The following NSUN6 variants were observed in gnomAD, a reference collection of about 807,000 sequenced individuals.
NSUN6 encodes the protein tRNA (cytosine(72)-C(5))-methyltransferase NSUN6.
A neutral mutation model predicts 58.0 loss-of-function variants in NSUN6; 64 were observed. That is an observed-to-expected ratio of 1.10 (90% CI 0.90 to 1.36). The LOEUF is 1.36. NSUN6 is among the 40% of genes most tolerant of loss of function. The pLI, the probability that NSUN6 is intolerant of heterozygous loss-of-function variation, is 0.00. For synonymous variants in NSUN6, 231 were observed against 193.9 expected (o/e 1.19, Z -1.59); for missense variants, 701 against 550.1 (o/e 1.27, Z -2.74).
At chr10:18,640,742 C>T (rs2059366700) in intron 3 of NSUN6, among the ~76,000 whole-genome samples, 1 of 151,954 alleles carries the variant, frequency 6.6e-6, no homozygotes, top group Admixed American at 6.6e-5. Context: ...CTTCGTTTCA[C>T]TGTATGTAAC....
chr10:18,609,890 G>C lies in NSUN6; in HGVS notation c.612C>G (p.Leu204=). The C allele has an allele frequency of 4.4e-6, 7 of 1,605,128 alleles. No homozygotes were observed. The highest frequency in any genetic ancestry group is 5.1e-6 in the Non-Finnish European group (6 of 1,171,958). The change falls in exon 6 of 11, where the codon CTC becomes CTG. Residue 204 remains leucine (L), a synonymous_variant. Transcript: ENST00000377304. Reference sequence around the variant, plus strand: ...GCAGTACACTGTCAAATGAAGGGCTGAGATATACTGGTTCTGTCATTCTTA... The same window carrying C: ...GCAGTACACTGTCAAATGAAGGGCTCAGATATACTGGTTCTGTCATTCTTA... The part of the protein sequence containing the change: ...MGIRMTEPVY[L]SPSFDSVLPR...
At chr10:18,634,004 G>C (rs1398334983) in intron 3 of NSUN6, among the ~76,000 whole-genome samples, 2 of 152,182 alleles carry the variant, frequency 1.3e-5, no homozygotes, top group African/African-American at 4.8e-5. Context: ...AGTCCCATAG[G>C]TATGCTCTTT....
chr10:18,553,403 AGAACGGAGAATGGAATG>A (rs1270391000), intron 8 of NSUN6, among the ~76,000 whole-genome samples: 5 of 151,480 alleles, frequency 3.3e-5, no homozygotes, highest in South Asian at 2.1e-4. Flanking sequence ...AATGGAATGC[AGAACGGAGAATGGAATG>A]GAATGGAGAA....
intron 6 of NSUN6, among the ~76,000 whole-genome samples, chr10:18,607,805 T>C (rs1345991507): frequency 1.3e-5 from 2 of 152,220 alleles, no homozygotes; most frequent in Non-Finnish European, 2.9e-5. Flanking sequence ...TTTTTACCTA[T>C]GCAGCACACA....
intron 9 of NSUN6, among the ~76,000 whole-genome samples, chr10:18,551,472 G>T (rs1216019115): frequency 1.3e-5 from 2 of 151,970 alleles, no homozygotes; most frequent in African/African-American, 4.8e-5. Flanking sequence ...GCCCCACAAT[G>T]CCTGGTAGTA....
chr10:18,565,508 T>G (rs916837295), intron 8 of NSUN6, among the ~76,000 whole-genome samples: 2 of 150,948 alleles, frequency 1.3e-5, no homozygotes, highest in African/African-American at 4.9e-5. Flanking sequence ...TTCCATTCTA[T>G]TCTACTCCAT....
At position 18,624,050 on chromosome 10, in the gene NSUN6, A is replaced by G. The variant is rs2058701055; in HGVS notation, c.312-7757T>C. Among the ~76,000 whole-genome samples the G allele has an allele frequency of 2.0e-5, 3 of 152,170 alleles. No homozygotes were observed. The South Asian group carries it at 6.2e-4, about 31-fold the overall frequency. On this transcript the variant is annotated intron_variant, in intron 3 of 10. Transcript: ENST00000377304. ...ATTGGTGGCACACACATACACAAAA[A>G]GCAGAAGGTAGATTTTAAAAATGTA...
upstream of NSUN6, chr10:18,653,141 G>A (rs944996174): frequency 1.3e-5 from 13 of 984,540 alleles, no homozygotes; most frequent in African/African-American, 1.4e-4. Flanking sequence ...GTATTTTAGC[G>A]ATAAAGGAGG....
chr10:18,603,982 G>C (rs1240230038), intron 6 of NSUN6, among the ~76,000 whole-genome samples: 2 of 152,066 alleles, frequency 1.3e-5, no homozygotes, highest in African/African-American at 4.8e-5. Context: ...AAGAGATCGA[G>C]ACCATCCTGG....
intron 8 of NSUN6, among the ~76,000 whole-genome samples, chr10:18,557,978 G>T (rs371271364): frequency 2.0e-5 from 3 of 151,006 alleles, no homozygotes; most frequent in Middle Eastern, 6.8e-3. Flanking sequence ...ATGGAATGAA[G>T]AATAGAATGC....
intron 7 of NSUN6, among the ~76,000 whole-genome samples, chr10:18,591,444 C>A (rs1230237518): frequency 6.6e-6 from 1 of 152,144 alleles, no homozygotes; most frequent in Non-Finnish European, 1.5e-5. Context: ...GACAATATCC[C>A]TGATGAATAT....
chr10:18,592,908 T>C (rs1280987489), intron 7 of NSUN6, among the ~76,000 whole-genome samples: 1 of 152,084 alleles, frequency 6.6e-6, no homozygotes, highest in Admixed American at 6.6e-5. Context: ...GAAACTATCA[T>C]TGGAGTGAAC....
chr10:18,572,884 A>T (rs1257389494), intron 8 of NSUN6, among the ~76,000 whole-genome samples: 1 of 140,812 alleles, frequency 7.1e-6, no homozygotes, highest in Non-Finnish European at 1.5e-5. Flanking sequence ...TCTCCATTTC[A>T]TTCCATTCTC....
At chr10:18,561,693 T>C (rs2055522782) in intron 8 of NSUN6, among the ~76,000 whole-genome samples, 2 of 147,494 alleles carry the variant, frequency 1.4e-5, no homozygotes, top group South Asian at 4.2e-4. Context: ...GAGAATGGAA[T>C]AGAATGGAGA....
In NSUN6 at chr10:18,551,832, G is replaced by C. The variant is rs1396427355; in HGVS notation, c.1062C>G (p.Leu354=). Residue 354 remains leucine, a synonymous_variant, in exon 9 of 11, where the codon CTC becomes CTG. Coordinates refer to ENST00000377304, the MANE Select transcript of NSUN6 (RefSeq NM_182543.5). ...ACAGACCACCACATACTGCAGTGAA[G>C]AGTTTTCGCTGTAATGGCTGATATG... ...VASYQPLQRK[L]FTAAVQLLKP... is the part of the protein sequence containing the mutation. 6.2e-7 allele frequency: 1 copy of C among 1,613,016 alleles called. No individual in the cohort carries two copies.
In NSUN6 at chr10:18,603,781, A is replaced by G. The variant is rs143655478; in HGVS notation, c.657+6064T>C. 7.4e-3 allele frequency among the ~76,000 whole-genome samples: 1,130 copies of G among 152,082 alleles called. 5 individuals carry two copies. Among genetic ancestry groups the G allele is most frequent in the Non-Finnish European group, 0.013 (877 of 67,978 alleles). On this transcript the variant is annotated intron_variant, in intron 6 of 10. Coordinates refer to ENST00000377304, the MANE Select transcript of NSUN6 (RefSeq NM_182543.5). ...CGTGAGCCACCGTGCCTGGCCACAC[A>G]CCCTTTTTATTATAACAACAGTAAA...
At chr10:18,573,823 G>A (rs1447049910) in intron 8 of NSUN6, among the ~76,000 whole-genome samples, 4 of 152,032 alleles carry the variant, frequency 2.6e-5, no homozygotes, top group Admixed American at 2.0e-4. Context: ...AGGGAATCAC[G>A]TCCCTACCCT....
At chr10:18,645,299 TA>T (rs1275873291) in intron 2 of NSUN6, among the ~76,000 whole-genome samples, 1 of 152,174 alleles carries the variant, frequency 6.6e-6, no homozygotes, top group Non-Finnish European at 1.5e-5. Flanking sequence ...TCTGATGGTT[TA>T]ATGTATATAA....
intron 3 of NSUN6, among the ~76,000 whole-genome samples, chr10:18,620,133 G>T (rs1483969843): frequency 1.3e-5 from 2 of 150,960 alleles, no homozygotes; most frequent in Non-Finnish European, 2.9e-5. Context: ...TGTCTCCCAG[G>T]CTGGAGTGCA....
Sources: gnomAD v4.1 joint callset for allele counts (sites outside exome capture counted in the v4.1 genomes callset) on GRCh38, gnomAD v4.1.1 for gene constraint, MANE v1.5 for transcripts, NCBI Gene and HGNC (gene_info 2026-07-23, HGNC 2026-07-21) for gene names.